FRRS1: variants seen among roughly 807,000 people sequenced by gnomAD.
FRRS1 encodes ferric chelate reductase 1, also known as ferric reductase 1.
FRRS1 carries 51 observed loss-of-function variants against 70.7 expected under a neutral mutation model. That is an observed-to-expected ratio of 0.72 (90% confidence interval 0.58 to 0.91). FRRS1 has a LOEUF of 0.91. Among genes scored for constraint, FRRS1 ranks in the 40% least tolerant of loss-of-function variants. The pLI, the probability that FRRS1 is intolerant of heterozygous loss-of-function variation, is 0.00. For synonymous variants in FRRS1, 225 were observed against 238.7 expected (o/e 0.94, Z 0.53); for missense variants, 672 against 726.0 (o/e 0.93, Z 0.86).
chr1:99,751,091 A>C (rs892807705), intron 1 of FRRS1, among the ~76,000 whole-genome samples: 14 of 152,188 alleles, frequency 9.2e-5, no homozygotes, highest in African/African-American at 3.4e-4. Flanking sequence ...AAATAGAATA[A>C]AAAAGCAGAG....
At chr1:99,763,139 A>T (rs940987225) in intron 1 of FRRS1, among the ~76,000 whole-genome samples, 1 of 152,182 alleles carries the variant, frequency 6.6e-6, no homozygotes, top group Admixed American at 6.6e-5. Context: ...ACTTTTCTAC[A>T]CAACCAAAAT....
intron 4 of FRRS1, among the ~76,000 whole-genome samples, chr1:99,743,805 C>T (rs1656093986): frequency 6.6e-6 from 1 of 152,128 alleles, no homozygotes; most frequent in Admixed American, 6.6e-5. Context: ...CAGCCTCAGC[C>T]TCCCAAAGTA....
chr1:99,715,053 C>T (rs1336538965), intron 12 of FRRS1, among the ~76,000 whole-genome samples: 2 of 152,100 alleles, frequency 1.3e-5, no homozygotes, highest in African/African-American at 4.8e-5. Context: ...GATGAGGCCT[C>T]ACTATGTTGC....
chr1:99,738,657 C>T lies in FRRS1; in HGVS notation c.577-389G>A, dbSNP rs868180753. 4.6e-5 allele frequency among the ~76,000 whole-genome samples: 7 copies of T among 152,196 alleles called. No individual in the cohort carries two copies. The South Asian group carries it at 1.2e-3, about 27-fold the overall frequency. ...GTCCCTAAGACTTAAATGACACTAA[C>T]GTTCCTGCCTAAAGGGTATCCTCTA... On this transcript the variant is annotated intron_variant, in intron 6 of 16. Transcript: ENST00000646001.
intron 9 of FRRS1, among the ~76,000 whole-genome samples, chr1:99,727,006 C>T (rs772112426): frequency 6.6e-6 from 1 of 152,212 alleles, no homozygotes; most frequent in Non-Finnish European, 1.5e-5. Flanking sequence ...TGAGCCACTG[C>T]ACCCAGTCCA....
chr1:99,714,165 G>T (rs1654407066), intron 12 of FRRS1, among the ~76,000 whole-genome samples: 1 of 151,706 alleles, frequency 6.6e-6, no homozygotes, highest in Non-Finnish European at 1.5e-5. Context: ...TGAGGTACAA[G>T]AATGGCATGG....
chr1:99,720,137 A>G (rs1654742760), intron 9 of FRRS1, among the ~76,000 whole-genome samples: 1 of 152,236 alleles, frequency 6.6e-6, no homozygotes, highest in Non-Finnish European at 1.5e-5. Flanking sequence ...ATTTTATGAT[A>G]CATTATTTCA....
intron 9 of FRRS1, among the ~76,000 whole-genome samples, chr1:99,726,234 T>C (rs1281191082): frequency 6.6e-6 from 1 of 152,230 alleles, no homozygotes; most frequent in African/African-American, 2.4e-5. Context: ...CCCCTTTGCC[T>C]TCTGCCATGA....
intron 9 of FRRS1, among the ~76,000 whole-genome samples, chr1:99,721,905 CT>C (rs1214097290): frequency 6.6e-6 from 1 of 152,058 alleles, no homozygotes; most frequent in Admixed American, 6.6e-5. Context: ...TCGAAAAATT[CT>C]TTTTAATTAG....
intron 4 of FRRS1, among the ~76,000 whole-genome samples, chr1:99,746,823 A>G (rs187922886): frequency 7.2e-5 from 11 of 152,314 alleles, no homozygotes; most frequent in Admixed American, 4.6e-4. Flanking sequence ...AAGAAAACGA[A>G]AAAACAAAAA....
chr1:99,754,011 G>A (rs1004888158), intron 1 of FRRS1, among the ~76,000 whole-genome samples: 2 of 152,178 alleles, frequency 1.3e-5, no homozygotes, highest in Admixed American at 6.5e-5. Flanking sequence ...TCAGACAGTA[G>A]ACTTCAAACC....
rs1245867765 is a variant in FRRS1, at chr1:99,719,448, C to T, written c.1120+86G>A. On this transcript the variant is annotated intron_variant, in intron 10 of 16. Coordinates refer to ENST00000646001, the MANE Select transcript of FRRS1 (RefSeq NM_001361041.2). Reference sequence around the variant, plus strand: ...AAAAATGCTTTATAAAAATTAGCTACATTATACCCACAGCCATTCCTAATC... The same window carrying T: ...AAAAATGCTTTATAAAAATTAGCTATATTATACCCACAGCCATTCCTAATC... 39 of 682,052 alleles carry T rather than the reference C, an allele frequency of 5.7e-5. No homozygotes were observed. In the East Asian group the frequency reaches 1.1e-3, roughly 20 times the overall value. 42.3% of individuals were successfully genotyped at this position (682,052 alleles called of 1,614,324 possible). A position where few individuals can be genotyped will look rare whatever the true frequency, so the allele number is the denominator to read the frequency against.
At chr1:99,744,267 T>C (rs766226992) in intron 4 of FRRS1, among the ~76,000 whole-genome samples, 19 of 152,174 alleles carry the variant, frequency 1.2e-4, no homozygotes, top group Non-Finnish European at 2.6e-4. Flanking sequence ...AAAGTCATTA[T>C]ATGACAACGT....
At position 99,704,319 on chromosome 1, in the gene FRRS1, C is replaced by T. The variant is rs934937880; in HGVS notation, c.*4709G>A. On this transcript the variant is annotated 3_prime_UTR_variant, in exon 17 of 17. Coordinates refer to ENST00000646001, the MANE Select transcript of FRRS1 (RefSeq NM_001361041.2). The stretch of plus-strand genomic sequence containing the variant: ...TTTACAGGATCAGCTGCCTCCCATC[C>T]CATTTATAAGGATGGTCAAAACAAA... 6.6e-6 allele frequency among the ~76,000 whole-genome samples: 1 copy of T among 152,132 alleles called. No homozygotes were observed. Among genetic ancestry groups the T allele is most frequent in the Non-Finnish European group, 1.5e-5 (1 of 68,032 alleles).
chr1:99,711,142 T>C (rs1654253327), intron 14 of FRRS1, among the ~76,000 whole-genome samples, 193 bp from the exon 15 acceptor site: 1 of 152,176 alleles, frequency 6.6e-6, no homozygotes, highest in Non-Finnish European at 1.5e-5. Context: ...GGGCAACTGA[T>C]TATGAATTAC....
At chr1:99,746,652 G>T (rs1024154571) in intron 4 of FRRS1, among the ~76,000 whole-genome samples, 2 of 152,206 alleles carry the variant, frequency 1.3e-5, no homozygotes, top group African/African-American at 2.4e-5. Context: ...CTATGGAGAA[G>T]AAGCAGTCCC....
Position 99,708,955 on chromosome 1 carries a change from A to C in FRRS1, c.*73T>G, listed in dbSNP as rs1022306144. 1 of 1,614,048 alleles carries C rather than the reference A, an allele frequency of 6.2e-7. No homozygotes were observed. Among genetic ancestry groups the C allele is most frequent in the Non-Finnish European group, 8.5e-7 (1 of 1,179,988 alleles). On this transcript the variant is annotated 3_prime_UTR_variant, in exon 17 of 17. Transcript: ENST00000646001. Reference sequence around the variant, plus strand: ...ATTCACAAATATGCTCCAGGCAGTCAGGACAGGCTTCAAGTTTCTTTGGTT... The same window carrying C: ...ATTCACAAATATGCTCCAGGCAGTCCGGACAGGCTTCAAGTTTCTTTGGTT...
chr1:99,742,103 C>A lies in FRRS1; in HGVS notation c.428+76G>T, dbSNP rs950201031. The A allele has an allele frequency of 3.4e-6, 3 of 885,754 alleles. No homozygotes were observed. The African/African-American group carries it at 5.0e-5, about 15-fold the overall frequency. 54.9% of individuals were successfully genotyped at this position (885,754 alleles called of 1,614,324 possible). A position where few individuals can be genotyped will look rare whatever the true frequency, so the allele number is the denominator to read the frequency against. ...ATCCTGGGCTCAAGTGATCCACCAC[C>A]TTGGCATCCCAAAGTGCTGGGATTA... On this transcript the variant is annotated intron_variant, in intron 5 of 16. Coordinates refer to ENST00000646001, the MANE Select transcript of FRRS1 (RefSeq NM_001361041.2).
chr1:99,711,053 T>C, intron 14 of FRRS1, 104 bp from the exon 15 acceptor site: 1 of 985,114 alleles, frequency 1.0e-6, no homozygotes, highest in Non-Finnish European at 1.5e-6. Flanking sequence ...TAAAAGAGTT[T>C]GAGATAAAAG....
Sources: allele counts gnomAD v4.1 joint callset (sites outside exome capture counted in the v4.1 genomes callset), GRCh38; gene constraint gnomAD v4.1.1; transcripts MANE v1.5; gene names NCBI Gene and HGNC (gene_info 2026-07-23, HGNC 2026-07-21).